EPHA3: variants seen among roughly 807,000 people sequenced by gnomAD.
The protein encoded by EPHA3 is ephrin type-A receptor 3.
A neutral mutation model predicts 107.1 loss-of-function variants in EPHA3; 42 were observed. The observed-to-expected ratio is 0.39, with a 90% CI of 0.31 to 0.51. The LOEUF (loss-of-function observed/expected upper bound fraction) is 0.51. Ranked by LOEUF, EPHA3 falls within the 20% of genes least tolerant of loss-of-function variation. EPHA3 has a pLI of 0.78. For missense variants in EPHA3, 1,183 were observed against 1,211.2 expected (o/e 0.98, Z 0.35); for synonymous variants, 461 against 424.8 (o/e 1.09, Z -1.05).
intron 2 of EPHA3, among the ~76,000 whole-genome samples, chr3:89,187,313 A>C (rs1705590224): frequency 1.3e-5 from 2 of 148,726 alleles, no homozygotes; most frequent in African/African-American, 4.9e-5. Flanking sequence ...CCGATTTATT[A>C]GTATTCATTA....
chr3:89,215,299 G>A (rs1439127904), intron 3 of EPHA3, among the ~76,000 whole-genome samples: 2 of 151,862 alleles, frequency 1.3e-5, no homozygotes, highest in Admixed American at 6.6e-5. Context: ...AATTATGTGA[G>A]TGCACTATCT....
At chr3:89,200,064 A>G (rs972206834) in intron 2 of EPHA3, among the ~76,000 whole-genome samples, 1 of 152,216 alleles carries the variant, frequency 6.6e-6, no homozygotes, top group Non-Finnish European at 1.5e-5. Context: ...AACAGTAGAT[A>G]TAACTGGTAG....
At chr3:89,351,028 A>G (rs952358860) in intron 5 of EPHA3, among the ~76,000 whole-genome samples, 39 of 151,454 alleles carry the variant, frequency 2.6e-4, no homozygotes, top group African/African-American at 7.2e-4. Context: ...AAAGCTGTCA[A>G]ACAGGGACAT....
intron 5 of EPHA3, among the ~76,000 whole-genome samples, chr3:89,379,102 T>G (rs75508935): frequency 1.3e-5 from 2 of 152,156 alleles, no homozygotes; most frequent in Non-Finnish European, 2.9e-5. Context: ...AGGTAATCTG[T>G]CTCTGCAATT....
At chr3:89,343,895 T>A (rs1461407265) in intron 5 of EPHA3, among the ~76,000 whole-genome samples, 3 of 152,210 alleles carry the variant, frequency 2.0e-5, no homozygotes, top group Admixed American at 6.5e-5. Context: ...TTGTAACTAA[T>A]GATATTTAAA....
chr3:89,263,018 G>A (rs967923041), intron 3 of EPHA3, among the ~76,000 whole-genome samples: 1 of 126,808 alleles, frequency 7.9e-6, no homozygotes, highest in South Asian at 2.5e-4. Context: ...TCGGATACAT[G>A]TGCAGAAGGT....
intron 3 of EPHA3, among the ~76,000 whole-genome samples, chr3:89,339,388 A>AG (rs1707465867): frequency 6.7e-6 from 1 of 149,504 alleles, no homozygotes; most frequent in Non-Finnish European, 1.5e-5. Flanking sequence ...AAAAAAAAAA[A>AG]AAGAAAGAAA....
chr3:89,142,210 A>G (rs1215845550), intron 2 of EPHA3, among the ~76,000 whole-genome samples: 2 of 151,480 alleles, frequency 1.3e-5, no homozygotes, highest in Non-Finnish European at 3.0e-5. Flanking sequence ...AATGTCTACC[A>G]TATCACTTTT....
At chr3:89,203,759 A>T (rs1706033072) in intron 2 of EPHA3, among the ~76,000 whole-genome samples, 1 of 152,154 alleles carries the variant, frequency 6.6e-6, no homozygotes, top group African/African-American at 2.4e-5. Flanking sequence ...CCTGGGCAAC[A>T]GAGCGAGACT....
At chr3:89,286,083 A>C (rs1706074882) in intron 3 of EPHA3, among the ~76,000 whole-genome samples, 1 of 150,610 alleles carries the variant, frequency 6.6e-6, no homozygotes, top group Admixed American at 6.6e-5. Flanking sequence ...AGGCAAATGT[A>C]AGTTTCAAAC....
At chr3:89,120,942 A>T (rs1211079673) in intron 1 of EPHA3, among the ~76,000 whole-genome samples, 2 of 152,200 alleles carry the variant, frequency 1.3e-5, no homozygotes, top group South Asian at 2.1e-4. Flanking sequence ...GGCAGCATTT[A>T]AAAAATTACT....
chr3:89,264,074 G>A (rs897541066), intron 3 of EPHA3, among the ~76,000 whole-genome samples: 1 of 152,068 alleles, frequency 6.6e-6, no homozygotes, highest in African/African-American at 2.4e-5. Context: ...TCAACTCTAA[G>A]TCCAAAATCT....
At chr3:89,178,315 G>T (rs1705362433) in intron 2 of EPHA3, among the ~76,000 whole-genome samples, 1 of 151,984 alleles carries the variant, frequency 6.6e-6, no homozygotes, top group Non-Finnish European at 1.5e-5. Flanking sequence ...ATATAATTTT[G>T]ATTTCCATGT....
chr3:89,381,549 A>G (rs543928067), intron 5 of EPHA3, among the ~76,000 whole-genome samples: 1 of 152,026 alleles, frequency 6.6e-6, no homozygotes, highest in Non-Finnish European at 1.5e-5. Flanking sequence ...CATGCCTGCA[A>G]TTCCATCTAC....
At chr3:89,222,320 CA>C (rs1463533065) in intron 3 of EPHA3, among the ~76,000 whole-genome samples, 1 of 56,454 alleles carries the variant, frequency 1.8e-5, no homozygotes, top group Non-Finnish European at 3.5e-5. Context: ...CTCATAAATA[CA>C]TATACATATA....
At chr3:89,438,960 G>C (rs981616741) in intron 13 of EPHA3, among the ~76,000 whole-genome samples, 3 of 152,152 alleles carry the variant, frequency 2.0e-5, no homozygotes, top group Non-Finnish European at 4.4e-5. Context: ...AACTATCCAG[G>C]TTTATGTGGT....
chr3:89,180,622 G>A lies in EPHA3; in HGVS notation c.154-29238G>A, dbSNP rs138138589. On this transcript the variant is annotated intron_variant, in intron 2 of 16. Coordinates refer to ENST00000336596, the MANE Select transcript of EPHA3 (RefSeq NM_005233.6). Reference sequence around the variant, plus strand: ...GGCAGCAGTTTAGTAGCGTTATAAGGCCATAGAAGGTTAAGGTTTGCTTGC... The same window carrying A: ...GGCAGCAGTTTAGTAGCGTTATAAGACCATAGAAGGTTAAGGTTTGCTTGC... Among the ~76,000 whole-genome samples the A allele has an allele frequency of 2.4e-4, 36 of 152,014 alleles. 1 individual carries two copies. In the East Asian group the frequency reaches 6.8e-3, roughly 29 times the overall value.
chr3:89,217,292 T>C (rs1173972951), intron 3 of EPHA3, among the ~76,000 whole-genome samples: 1 of 152,178 alleles, frequency 6.6e-6, no homozygotes, highest in East Asian at 1.9e-4. Flanking sequence ...ATATATGCTC[T>C]TTTTTTGTAG....
chr3:89,107,861 G>A lies in EPHA3; in HGVS notation c.88+25G>A, dbSNP rs773391629. On this transcript the variant is annotated intron_variant, in intron 1 of 16. Transcript: ENST00000336596. Reference sequence around the variant, plus strand: ...GGTAAGCCAGGTACCGCGACGCACGGAGCTCTGCCCCGCGGGGCTCACGCT... The same window carrying A: ...GGTAAGCCAGGTACCGCGACGCACGAAGCTCTGCCCCGCGGGGCTCACGCT... 1.5e-5 allele frequency: 24 copies of A among 1,608,858 alleles called. No homozygotes were observed. In the South Asian group the frequency reaches 2.6e-4, roughly 18 times the overall value.
Sources: gnomAD v4.1 joint callset for allele counts (sites outside exome capture counted in the v4.1 genomes callset) on GRCh38, gnomAD v4.1.1 for gene constraint, MANE v1.5 for transcripts, NCBI Gene and HGNC (gene_info 2026-07-23, HGNC 2026-07-21) for gene names.